Variants in TRPM4 observed in about 807,000 individuals in gnomAD.
TRPM4 encodes the protein calcium-activated non-selective cation channel 1.
In TRPM4, 124 loss-of-function variants were observed where a neutral mutation model predicts 135.6. That is an observed-to-expected ratio of 0.91 (90% CI 0.79 to 1.06). TRPM4 has a LOEUF of 1.06. Ranked by LOEUF, TRPM4 falls within the 50% of genes least tolerant of loss-of-function variation. TRPM4 has a pLI of 0.00. For synonymous variants in TRPM4, 745 were observed against 705.6 expected (o/e 1.06, Z -0.88); for missense variants, 1,658 against 1,671.4 (o/e 0.99, Z 0.14).
At position 49,202,108 on chromosome 19, in the gene TRPM4, T is replaced by A. The variant is rs1968960027; in HGVS notation, c.3098T>A (p.Ile1033Asn). ...LLVIFLLVAN[I>N]LLVNLLIAMF... ...GTCATCTTCCTGCTCGTGGCCAACA[T>A]CCTGCTGGTCAACTTGCTCATTGCC... Residue 1033 changes from isoleucine (I) to asparagine (N), a missense_variant, in exon 20 of 25, where the codon ATC becomes AAC. Physicochemically the swap from Ile to Asn is moderately radical, Grantham distance 149 (BLOSUM62 -3). Around this residue, in one of 3 missense-constraint regions of TRPM4, gnomAD observed 1,412 missense variants for 1,408.7 expected, o/e 1.00. Coordinates refer to ENST00000252826, the MANE Select transcript of TRPM4 (RefSeq NM_017636.4). The A allele has an allele frequency of 6.2e-7, 1 of 1,614,132 alleles. No homozygotes were observed. The highest frequency in any genetic ancestry group is 8.5e-7 in the Non-Finnish European group (1 of 1,180,040).
chr19:49,201,881 G>C (rs141457943), intron 19 of TRPM4, 83 bp from the exon 20 acceptor site: 1 of 1,474,960 alleles, frequency 6.8e-7, no homozygotes, highest in African/African-American at 1.4e-5. Context: ...GATTACAGGC[G>C]TGAGCCACCG....
At chr19:49,197,372 T>G (rs867002370) in intron 17 of TRPM4, among the ~76,000 whole-genome samples, 1 of 144,354 alleles carries the variant, frequency 6.9e-6, no homozygotes, top group Non-Finnish European at 1.5e-5. Flanking sequence ...TTCTCTCTCT[T>G]TCTTTTCTTT....
At position 49,182,709 on chromosome 19, in the gene TRPM4, C is replaced by T. The variant is rs1307664288; in HGVS notation, c.1395C>T (p.Ser465=). ...CGATGCGCCTGGCCCAACTCTACAG[C>T]GCGGCGCCCTCCAACTCGCTCATCC... ...LTPMRLAQLY[S]AAPSNSLIRN... Residue 465 remains serine (S), a synonymous_variant, in exon 11 of 25, where the codon AGC becomes AGT. Coordinates refer to ENST00000252826, the MANE Select transcript of TRPM4 (RefSeq NM_017636.4). 1.9e-6 allele frequency: 3 copies of T among 1,614,172 alleles called. No individual in the cohort carries two copies. Among genetic ancestry groups the T allele is most frequent in the African/African-American group, 1.3e-5 (1 of 75,066 alleles).
chr19:49,161,055 T>G (rs1966942020), intron 2 of TRPM4, among the ~76,000 whole-genome samples: 1 of 151,690 alleles, frequency 6.6e-6, no homozygotes, highest in Non-Finnish European at 1.5e-5. Context: ...GAGTGCAATG[T>G]GGGAATCTGT....
At chr19:49,193,230 G>A (rs1042575121) in intron 16 of TRPM4, among the ~76,000 whole-genome samples, 13 of 151,790 alleles carry the variant, frequency 8.6e-5, no homozygotes, top group Non-Finnish European at 1.3e-4. Context: ...ACAGGTGCCC[G>A]CCACCACGCC....
chr19:49,162,030 G>A (rs1966986004), intron 2 of TRPM4, among the ~76,000 whole-genome samples: 1 of 152,182 alleles, frequency 6.6e-6, no homozygotes, highest in South Asian at 2.1e-4. Context: ...TACACTCAAG[G>A]GAGGTGAAAA....
Position 49,183,191 on chromosome 19 carries a change from G to A in TRPM4, c.1722G>A (p.Met574Ile), listed in dbSNP as rs747567814. 6.2e-7 allele frequency: 1 copy of A among 1,614,046 alleles called. No individual in the cohort carries two copies. Among genetic ancestry groups the A allele is most frequent in the Non-Finnish European group, 8.5e-7 (1 of 1,180,038 alleles). The part of the protein sequence containing the change: ...LWALLLNRAQ[M>I]AMYFWEMGSN... ...CACTGTTGCTGAACAGGGCACAGAT[G>A]GCCATGTACTTCTGGGAGATGGTGA... The change falls in exon 12 of 25, where the codon ATG (methionine) becomes ATA (isoleucine). Residue 574 changes from methionine to isoleucine, a missense_variant. By Grantham distance (10) the Met-to-Ile change is conservative. Around this residue, in one of 3 missense-constraint regions of TRPM4, gnomAD observed 1,412 missense variants for 1,408.7 expected, o/e 1.00. Coordinates refer to ENST00000252826, the MANE Select transcript of TRPM4 (RefSeq NM_017636.4).
chr19:49,185,063 C>G (rs1382437548), intron 12 of TRPM4, among the ~76,000 whole-genome samples: 1 of 151,902 alleles, frequency 6.6e-6, no homozygotes, highest in Non-Finnish European at 1.5e-5. Flanking sequence ...CATCTTTTTC[C>G]TGGCTCCCTT....
chr19:49,177,697 A>C (rs930952985), intron 9 of TRPM4, among the ~76,000 whole-genome samples: 5 of 152,086 alleles, frequency 3.3e-5, no homozygotes, highest in Non-Finnish European at 7.4e-5. Flanking sequence ...TTTGCCCTTC[A>C]TCTCCCTTCC....
chr19:49,171,895 G>A lies in TRPM4; in HGVS notation c.1051-114G>A. On this transcript the variant is annotated intron_variant, in intron 8 of 24. Transcript: ENST00000252826. This position sits in a 1 kb window ranked among gnomAD's most constrained non-coding sequence, Gnocchi z 4.7. Reference sequence around the variant, plus strand: ...AGGTTCCGGGAGAAGAGGGTGCTGGGCATATAGACTATTAGGTCCTGGAGG... The same window carrying A: ...AGGTTCCGGGAGAAGAGGGTGCTGGACATATAGACTATTAGGTCCTGGAGG... 1.5e-6 allele frequency: 2 copies of A among 1,371,338 alleles called. No individual in the cohort carries two copies. Among genetic ancestry groups the A allele is most frequent in the Non-Finnish European group, 2.1e-6 (2 of 966,518 alleles). 84.9% of individuals were successfully genotyped at this position (1,371,338 alleles called of 1,614,324 possible). A position where few individuals can be genotyped will look rare whatever the true frequency, so the allele number is the denominator to read the frequency against.
chr19:49,184,239 G>A (rs546480036), intron 12 of TRPM4, among the ~76,000 whole-genome samples: 2 of 151,770 alleles, frequency 1.3e-5, no homozygotes, highest in African/African-American at 2.4e-5. Flanking sequence ...ATGGTGTCTC[G>A]CAAGTCCCTT....
intron 2 of TRPM4, among the ~76,000 whole-genome samples, chr19:49,162,260 C>T (rs12980625): frequency 0.32 from 48,338 of 151,828 alleles, 7,894 homozygotes; most frequent in South Asian, 0.4. Flanking sequence ...AATTTCAGGC[C>T]AGGCACAGTG....
intron 17 of TRPM4, among the ~76,000 whole-genome samples, chr19:49,198,646 C>CAAAAA (rs35173042): frequency 1.4e-5 from 1 of 72,698 alleles, no homozygotes; most frequent in Non-Finnish European, 2.7e-5. Context: ...AAAACTCTGT[C>CAAAAA]AAAAAAAAAA....
At chr19:49,190,022 T>A (rs1470601193) in intron 14 of TRPM4, among the ~76,000 whole-genome samples, 186 bp from the exon 15 acceptor site, 1 of 152,232 alleles carries the variant, frequency 6.6e-6, no homozygotes, top group Non-Finnish European at 1.5e-5. Flanking sequence ...AAGTGTTGAC[T>A]GTTTACTGCC....
intron 9 of TRPM4, among the ~76,000 whole-genome samples, chr19:49,174,182 T>G (rs1182437242): frequency 1.3e-5 from 2 of 152,046 alleles, no homozygotes; most frequent in African/African-American, 4.8e-5. Flanking sequence ...AGACAGAGTC[T>G]TGCTCTGTCG....
chr19:49,176,220 G>A (rs569341067), intron 9 of TRPM4, among the ~76,000 whole-genome samples: 5 of 151,876 alleles, frequency 3.3e-5, no homozygotes, highest in African/African-American at 4.8e-5. Context: ...CACCGCGCCC[G>A]GCCTTAATTC....
At chr19:49,181,321 T>A in intron 9 of TRPM4, 28 bp from the exon 10 acceptor site, 1 of 1,552,292 alleles carries the variant, frequency 6.4e-7, no homozygotes, top group Non-Finnish European at 8.9e-7. Context: ...CCCTGACTTC[T>A]TGTCCCCTCT....
In TRPM4 at chr19:49,161,061, T is replaced by C. The variant is rs569171793; in HGVS notation, c.92+2802T>C. Among the ~76,000 whole-genome samples, 26 of 151,924 alleles carry C rather than the reference T, an allele frequency of 1.7e-4. No homozygotes were observed. In the South Asian group the frequency reaches 5.4e-3, roughly 32 times the overall value. ...AATGTCGCTGAGTGCAATGTGGGAATCTGTGCATATGAGCGGCCTAGGGGG... is the reference window on the plus strand; with the variant it reads ...AATGTCGCTGAGTGCAATGTGGGAACCTGTGCATATGAGCGGCCTAGGGGG... On this transcript the variant is annotated intron_variant, in intron 2 of 24. Coordinates refer to ENST00000252826, the MANE Select transcript of TRPM4 (RefSeq NM_017636.4).
chr19:49,190,715 A>G lies in TRPM4; in HGVS notation c.2152A>G (p.Thr718Ala). The change falls in exon 16 of 25, where the codon ACA (threonine) becomes GCA (alanine). Residue 718 changes from threonine (T) to alanine (A), a missense_variant. Physicochemically the swap from Thr to Ala is moderately conservative, Grantham distance 58 (BLOSUM62 0). Transcript: ENST00000252826. ...ITFRKSEEEPTREELEFDMDS... is the reference protein window; with the variant it reads ...ITFRKSEEEPAREELEFDMDS... ...TGCTAGGAAATCAGAAGAGGAGCCC[A>G]CACGGGAGGAGCTAGAGTTTGACAT... The G allele has an allele frequency of 6.2e-7, 1 of 1,614,124 alleles. No individual in the cohort carries two copies. The highest frequency in any genetic ancestry group is 1.1e-5 in the South Asian group (1 of 91,084).
Sources: allele counts gnomAD v4.1 joint callset (sites outside exome capture counted in the v4.1 genomes callset), GRCh38; gene constraint gnomAD v4.1.1; regional missense constraint gnomAD v4.1.1; non-coding constraint Gnocchi (gnomAD v3.1); transcripts MANE v1.5; gene names NCBI Gene and HGNC (gene_info 2026-07-23, HGNC 2026-07-21).